The following TGM2 variants were observed in gnomAD, a reference collection of about 807,000 sequenced individuals.
The protein encoded by TGM2 is transglutaminase 2.
TGM2 carries 53 observed loss-of-function variants against 75.6 expected under a neutral mutation model. That is an observed-to-expected ratio of 0.70 (90% CI 0.56 to 0.88). TGM2 has a LOEUF of 0.88. TGM2 is among the 40% of genes least tolerant of loss of function. The pLI, the probability that TGM2 is intolerant of heterozygous loss-of-function variation, is 0.00. For synonymous variants in TGM2, 374 were observed against 381.1 expected, an observed-to-expected ratio of 0.98 and a Z score of 0.22; for missense variants, 842 against 928.5, an observed-to-expected ratio of 0.91 and a Z score of 1.21.
At chr20:38,133,079 T>C in intron 10 of TGM2, 1 of 355,156 alleles carries the variant, frequency 2.8e-6, no homozygotes, top group East Asian at 7.4e-5. Flanking sequence ...TGAAATAACG[T>C]TGTCCTAGGT....
At chr20:38,134,703 G>C (rs931437958) in intron 10 of TGM2, among the ~76,000 whole-genome samples, 2 of 152,190 alleles carry the variant, frequency 1.3e-5, no homozygotes, top group Admixed American at 6.5e-5. Flanking sequence ...AGGGAGGAGA[G>C]AGCATGAAAG....
In TGM2 at chr20:38,146,967, G is replaced by A; in HGVS notation, c.682-73C>T. The A allele has an allele frequency of 7.3e-6, 11 of 1,516,344 alleles. No homozygotes were observed. The South Asian group carries it at 1.1e-4, about 15-fold the overall frequency. The allele number at this position is 1,516,344 out of a possible 1,614,324, so 93.9% of individuals were successfully genotyped here. ...GGCTGTGCCGCCTGGGTGAGCCTGA[G>A]TACAGCAGGGGGTGAAAGCTGGGGA... On this transcript the variant is annotated intron_variant, in intron 5 of 12. Transcript: ENST00000361475.
At position 38,130,150 on chromosome 20, in the gene TGM2, T is replaced by A; in HGVS notation, c.*69A>T. 6.2e-7 allele frequency: 1 copy of A among 1,600,590 alleles called. No homozygotes were observed. Among genetic ancestry groups the A allele is most frequent in the Admixed American group, 1.7e-5 (1 of 57,746 alleles). ...CTGGGGCCCAAGAAGGGGCATATTT[T>A]GCTCACTAGCTTGGGATAAGGATTG... On this transcript the variant is annotated 3_prime_UTR_variant, in exon 13 of 13. Transcript: ENST00000361475.
At chr20:38,157,184 T>C (rs550661413) in intron 2 of TGM2, among the ~76,000 whole-genome samples, 3 of 152,284 alleles carry the variant, frequency 2.0e-5, no homozygotes, top group Non-Finnish European at 2.9e-5. Context: ...GTGGACATTA[T>C]TGGGGCCTGC....
Position 38,139,578 on chromosome 20 carries a change from A to C in TGM2, c.1176T>G (p.Phe392Leu), listed in dbSNP as rs766063731. 6 of 1,614,196 alleles carry C rather than the reference A, an allele frequency of 3.7e-6. No individual in the cohort carries two copies. The highest frequency in any genetic ancestry group is 4.2e-6 in the Non-Finnish European group (5 of 1,180,036). ...CGTCGGCATTGACCTCCGCAAAGAC[A>C]AAGGGCGCATCGTACTTGGTGCTCA... ...GDLSTKYDAP[F>L]VFAEVNADVV... is the part of the protein sequence containing the mutation. The change falls in exon 9 of 13, where the codon TTT becomes TTG. Residue 392 changes from phenylalanine to leucine, a missense_variant. Phe to Leu is a conservative substitution (Grantham distance 22). Coordinates refer to ENST00000361475, the MANE Select transcript of TGM2 (RefSeq NM_004613.4).
intron 4 of TGM2, 26 bp from the exon 5 acceptor site, chr20:38,148,115 A>C (rs768509039): frequency 1.2e-6 from 2 of 1,613,728 alleles, no homozygotes; most frequent in Non-Finnish European, 1.7e-6. Context: ...CAAGAGGAGA[A>C]AGAGGGAGCT....
intron 1 of TGM2, 27 bp from the exon 2 acceptor site, chr20:38,161,626 G>A: frequency 1.2e-6 from 2 of 1,613,984 alleles, no homozygotes; most frequent in East Asian, 2.2e-5. Flanking sequence ...AGACGCATGA[G>A]CCTCGGGGGC....
At chr20:38,167,941 T>C (rs2075323394), upstream of TGM2, among the ~76,000 whole-genome samples, 3 of 152,196 alleles carry the variant, frequency 2.0e-5, no homozygotes, top group African/African-American at 7.2e-5. Flanking sequence ...GGGGCAGTAT[T>C]GGTACCCACT....
rs1195870646 is a variant in TGM2 at position 38,130,356 on chromosome 20, C to T, written c.1927G>A (p.Glu643Lys). ...QKTVEIPDPVEAGEEVKVRMD... is the reference protein window; with the variant it reads ...QKTVEIPDPVKAGEEVKVRMD... ...CTCACCTTAACTTCCTCCCCTGCCT[C>T]CACGGGGTCTGGGCTGCAGGGAGAG... The change falls in exon 13 of 13, where the codon GAG becomes AAG. Residue 643 changes from glutamate to lysine, a missense_variant. Coordinates refer to ENST00000361475, the MANE Select transcript of TGM2 (RefSeq NM_004613.4). The T allele has an allele frequency of 5.0e-6, 8 of 1,594,384 alleles. No individual in the cohort carries two copies. Among genetic ancestry groups the T allele is most frequent in the Non-Finnish European group, 6.8e-6 (8 of 1,171,138 alleles).
chr20:38,133,562 T>A (rs1008348616), intron 10 of TGM2: 3 of 152,338 alleles, frequency 2.0e-5, no homozygotes, highest in African/African-American at 7.2e-5. Flanking sequence ...TTTTAAGGAT[T>A]CATGTAGTTT....
At chr20:38,153,547 G>GAAAAGAAAAAAAA (rs2075143673) in intron 3 of TGM2, among the ~76,000 whole-genome samples, 1 of 90,038 alleles carries the variant, frequency 1.1e-5, no homozygotes, top group Non-Finnish European at 2.0e-5. Flanking sequence ...AAAAAAAAAA[G>GAAAAGAAAAAAAA]AATGAATGAG....
At chr20:38,132,865 C>T (rs768621423) in intron 10 of TGM2, 14 of 462,814 alleles carry the variant, frequency 3.0e-5, no homozygotes, top group African/African-American at 9.9e-5. Flanking sequence ...GCGAGTGTCC[C>T]GGAAGAGCCT....
At chr20:38,130,986 A>C in intron 12 of TGM2, 107 bp downstream of exon 12, 1 of 1,551,466 alleles carries the variant, frequency 6.4e-7, no homozygotes, top group Non-Finnish European at 8.8e-7. Flanking sequence ...GTGGGAGATG[A>C]GAGGAGGGGA....
chr20:38,165,193 G>A lies in TGM2; in HGVS notation c.6C>T (p.Ala2=), dbSNP rs1470068230. The change falls in exon 1 of 13, where the codon GCC becomes GCT. Residue 2 remains alanine (A), a synonymous_variant. Transcript: ENST00000361475. M[A]EELVLERCDL... ...TGCGGTGACTCTGATACTCACCCTC[G>A]GCCATGGTCGGGCGGGGGCGGTGGC... 1.9e-6 allele frequency: 3 copies of A among 1,613,274 alleles called. No individual in the cohort carries two copies. The highest frequency in any genetic ancestry group is 1.7e-6 in the Non-Finnish European group (2 of 1,179,924).
At chr20:38,156,168 C>G (rs1568700842) in intron 2 of TGM2, 79 bp from the exon 3 acceptor site, 1 of 1,540,908 alleles carries the variant, frequency 6.5e-7, no homozygotes, top group East Asian at 2.3e-5. Context: ...GGTCCCCCAG[C>G]TTGGGCTCCA....
Position 38,162,941 on chromosome 20 carries a change from G to C in TGM2, c.11-1342C>G, listed in dbSNP as rs6023588. On this transcript the variant is annotated intron_variant, in intron 1 of 12. Transcript: ENST00000361475. ...GGTGCTTTGGAGACTTCCAGAGGTA[G>C]GTTTTAGTTCTGCTGTGTTGCTGTG... 1.2e-3 allele frequency among the ~76,000 whole-genome samples: 185 copies of C among 152,292 alleles called. 5 individuals carry two copies. The highest frequency in any genetic ancestry group is 4.3e-3 in the African/African-American group (178 of 41,544).
chr20:38,150,773 C>G (rs1442434256), intron 4 of TGM2, among the ~76,000 whole-genome samples, 166 bp downstream of exon 4: 1 of 152,236 alleles, frequency 6.6e-6, no homozygotes. Context: ...GCAGCCTTGG[C>G]CCTCTCTGAA....
chr20:38,132,205 G>A (rs1290683933), intron 11 of TGM2, 135 bp downstream of exon 11: 2 of 968,788 alleles, frequency 2.1e-6, no homozygotes, highest in African/African-American at 1.6e-5. Flanking sequence ...GATGAGGCTA[G>A]GATTTGAGGA....
At chr20:38,148,913 C>T (rs953490529) in intron 4 of TGM2, among the ~76,000 whole-genome samples, 3 of 152,192 alleles carry the variant, frequency 2.0e-5, no homozygotes, top group African/African-American at 7.2e-5. Flanking sequence ...CTCTTTTCCC[C>T]CCACTTCTGT....
Sources: allele counts gnomAD v4.1 joint callset (sites outside exome capture counted in the v4.1 genomes callset), GRCh38; gene constraint gnomAD v4.1.1; transcripts MANE v1.5; gene names NCBI Gene and HGNC (gene_info 2026-07-23, HGNC 2026-07-21).